The following MOB2 variants were observed in gnomAD, a reference collection of about 807,000 sequenced individuals.
MOB2 encodes MOB kinase activator 2.
MOB2 carries 14 observed loss-of-function variants against 27.4 expected under a neutral mutation model. The observed-to-expected ratio is 0.51, with a 90% CI of 0.34 to 0.80. The LOEUF is 0.80. MOB2 is among the 30% of genes least tolerant of loss of function. The pLI is 0.01. For missense variants in MOB2, 304 were observed against 354.6 expected (o/e 0.86, Z 1.15); for synonymous variants, 167 against 151.8 (o/e 1.10, Z -0.74).
chr11:1,475,340 AGCAATCCCCCC>A (rs1847841005), intron 3 of MOB2, among the ~76,000 whole-genome samples: 1 of 152,188 alleles, frequency 6.6e-6, no homozygotes. Context: ...ACAGGGATAC[AGCAATCCCCCC>A]CATCCACAGG....
At chr11:1,474,156 G>C (rs1847828311) in intron 3 of MOB2, among the ~76,000 whole-genome samples, 1 of 152,380 alleles carries the variant, frequency 6.6e-6, no homozygotes, top group Middle Eastern at 3.4e-3. Flanking sequence ...GTTTCGGCTT[G>C]CCTTTCTCTA....
At chr11:1,478,448 G>T (rs1212673262) in intron 3 of MOB2, among the ~76,000 whole-genome samples, 1 of 152,234 alleles carries the variant, frequency 6.6e-6, no homozygotes, top group Non-Finnish European at 1.5e-5. Context: ...ATTCTGGGAT[G>T]ACCTTTCTTT....
In MOB2 at chr11:1,476,403, T is replaced by C. The variant is rs542678011; in HGVS notation, c.365+3990A>G. On this transcript the variant is annotated intron_variant, in intron 3 of 4. Coordinates refer to ENST00000329957, the MANE Select transcript of MOB2 (RefSeq NM_001172223.3). ...TGCACAGAGGGTTTTTTTCCAATAC[T>C]TCCTTATTATCCTTTTAACATCCAC... Among the ~76,000 whole-genome samples the C allele has an allele frequency of 9.8e-5, 15 of 152,318 alleles. No individual in the cohort carries two copies. The South Asian group carries it at 2.3e-3, about 23-fold the overall frequency.
intron 1 of MOB2, 195 bp from the exon 2 acceptor site, chr11:1,481,080 G>A: frequency 1.4e-6 from 1 of 712,106 alleles, no homozygotes; most frequent in South Asian, 1.7e-5. Context: ...GGCCAGTGGA[G>A]CTGCCTTGCG....
chr11:1,473,976 G>A (rs371932026), intron 3 of MOB2, among the ~76,000 whole-genome samples: 2 of 5,106 alleles, frequency 3.9e-4, no homozygotes, highest in Non-Finnish European at 1.9e-3. Context: ...AGACGTGTCG[G>A]AAGTCCACGG....
chr11:1,480,682 A>G (rs1590766154), intron 2 of MOB2, 43 bp downstream of exon 2: 2 of 1,587,804 alleles, frequency 1.3e-6, no homozygotes, highest in East Asian at 2.3e-5. Flanking sequence ...TTCGAGGAGG[A>G]GCAGGGAGGA....
chr11:1,471,715 C>T lies in MOB2; in HGVS notation c.366-296G>A, dbSNP rs547613386. 9.8e-5 allele frequency: 31 copies of T among 316,118 alleles called. No homozygotes were observed. The South Asian group carries it at 1.1e-3, about 11-fold the overall frequency. 19.6% of individuals were successfully genotyped at this position (316,118 alleles called of 1,614,324 possible). A position where few individuals can be genotyped will look rare whatever the true frequency, so the allele number is the denominator to read the frequency against. On this transcript the variant is annotated intron_variant, in intron 3 of 4. Coordinates refer to ENST00000329957, the MANE Select transcript of MOB2 (RefSeq NM_001172223.3). ...TGTGATTAAATGAAGGGGTCATCTT[C>T]GTTTTCTCCGCTTCTACATGGCTTC...
At chr11:1,470,558 C>CCCT (rs1346599074) in intron 4 of MOB2, 70 bp from the exon 5 acceptor site, 1 of 1,518,354 alleles carries the variant, frequency 6.6e-7, no homozygotes, top group African/African-American at 1.4e-5. Context: ...CCCCTGGCAC[C>CCCT]CAGCCTGGTG....
At chr11:1,478,042 C>CT (rs1255262570) in intron 3 of MOB2, among the ~76,000 whole-genome samples, 1 of 152,258 alleles carries the variant, frequency 6.6e-6, no homozygotes, top group Non-Finnish European at 1.5e-5. Context: ...CACATAAGCT[C>CT]TGCAAGGCCT....
chr11:1,484,141 C>T (rs1201888987), intron 1 of MOB2, among the ~76,000 whole-genome samples: 1 of 152,190 alleles, frequency 6.6e-6, no homozygotes, highest in East Asian at 1.9e-4. Context: ...GCTCAGAGAC[C>T]CCCACTCGCC....
At chr11:1,471,687 G>A (rs1847793232) in intron 3 of MOB2, 1 of 390,580 alleles carries the variant, frequency 2.6e-6, no homozygotes, top group Non-Finnish European at 4.6e-6. Flanking sequence ...GGCTGTACAG[G>A]TGTGTGATTA....
chr11:1,481,829 G>A (rs903136015), intron 1 of MOB2, among the ~76,000 whole-genome samples: 1 of 152,154 alleles, frequency 6.6e-6, no homozygotes, highest in African/African-American at 2.4e-5. Context: ...AGAGCACAGG[G>A]CGTGGGGTCT....
chr11:1,480,648 T>G, intron 2 of MOB2, 77 bp downstream of exon 2: 1 of 1,560,748 alleles, frequency 6.4e-7, no homozygotes. Context: ...GCACCAGCCG[T>G]GGGGGTCCCC....
In MOB2 at chr11:1,486,701, A is replaced by G. The variant is rs1001487355; in HGVS notation, c.-145T>C. ...AGACAAACAGCTGCCCCCTTTCCAG[A>G]GGCAAGGGCTGGCCAAGGCTGGTGA... is the stretch of plus-strand genomic sequence containing the variant. On this transcript the variant is annotated 5_prime_UTR_variant, in exon 1 of 5. Coordinates refer to ENST00000329957, the MANE Select transcript of MOB2 (RefSeq NM_001172223.3). 6.5e-6 allele frequency: 4 copies of G among 612,424 alleles called. No individual in the cohort carries two copies. In the African/African-American group the frequency reaches 7.4e-5, roughly 11 times the overall value. The allele number at this position is 612,424 out of a possible 1,614,324, so 37.9% of individuals were successfully genotyped here. A position where few individuals can be genotyped will look rare whatever the true frequency, so the allele number is the denominator to read the frequency against.
At chr11:1,484,652 C>T (rs1254072079) in intron 1 of MOB2, among the ~76,000 whole-genome samples, 2 of 152,118 alleles carry the variant, frequency 1.3e-5, no homozygotes, top group Admixed American at 6.5e-5. Context: ...TTGGCGCCAC[C>T]CCCACCCCTA....
At chr11:1,482,206 C>T (rs1847923036) in intron 1 of MOB2, among the ~76,000 whole-genome samples, 1 of 152,238 alleles carries the variant, frequency 6.6e-6, no homozygotes, top group African/African-American at 2.4e-5. Context: ...GGGCTACAAG[C>T]CGTCTCCCTG....
chr11:1,483,784 A>G (rs1453193281), intron 1 of MOB2, among the ~76,000 whole-genome samples: 1 of 152,186 alleles, frequency 6.6e-6, no homozygotes, highest in Non-Finnish European at 1.5e-5. Flanking sequence ...GGCACCCAGC[A>G]CGTAACTGAT....
intron 3 of MOB2, among the ~76,000 whole-genome samples, chr11:1,476,105 G>A (rs1190166045): frequency 2.0e-5 from 3 of 152,238 alleles, no homozygotes; most frequent in Non-Finnish European, 4.4e-5. Flanking sequence ...GGAGCAGGAC[G>A]GTGGAGACCG....
intron 1 of MOB2, among the ~76,000 whole-genome samples, chr11:1,482,516 G>A (rs1847925992): frequency 1.3e-5 from 2 of 152,202 alleles, no homozygotes; most frequent in African/African-American, 2.4e-5. Context: ...CCGCCACTCC[G>A]GCACTGGCAC....
Sources: gnomAD v4.1 joint callset for allele counts (sites outside exome capture counted in the v4.1 genomes callset) on GRCh38, gnomAD v4.1.1 for gene constraint, MANE v1.5 for transcripts, NCBI Gene and HGNC (gene_info 2026-07-23, HGNC 2026-07-21) for gene names.